The following POLR2E variants were observed in gnomAD, a reference collection of about 807,000 sequenced individuals.
POLR2E encodes the protein RNA polymerase II, I and III subunit E.
In POLR2E, 35 loss-of-function variants were observed where a neutral mutation model predicts 29.8. That is an observed-to-expected ratio of 1.17 (90% CI 0.90 to 1.55). The LOEUF is 1.55. Ranked by LOEUF, POLR2E falls within the 40% of genes most tolerant of loss-of-function variation. The probability of loss-of-function intolerance (pLI) is 0.00; values close to 1 mark genes in which losing one functional copy is unlikely to be tolerated. For missense variants in POLR2E, 287 were observed against 288.6 expected (o/e 0.99, Z 0.04); for synonymous variants, 174 against 112.6 (o/e 1.55, Z -3.45).
rs980318984 is a variant in POLR2E at position 1,091,911 on chromosome 19, C to T, written c.233-4G>A. 6.2e-7 allele frequency: 1 copy of T among 1,600,996 alleles called. No individual in the cohort carries two copies. Among genetic ancestry groups the T allele is most frequent in the Non-Finnish European group, 8.6e-7 (1 of 1,169,476 alleles). The stretch of plus-strand genomic sequence containing the variant: ...TTGATGCCCACCTTGGGCTCCTCTG[C>T]AGACAGAGAGTGTGCTGGCCTGCAC... On this transcript the variant is annotated splice_region_variant and splice_polypyrimidine_tract_variant and intron_variant, in intron 2 of 7. Transcript: ENST00000615234.
Position 1,088,637 on chromosome 19 carries a change from TGA to T in POLR2E, c.*96_*97del, listed in dbSNP as rs1171350996. The T allele has an allele frequency of 1.3e-5, 2 of 152,530 alleles. No homozygotes were observed. Among genetic ancestry groups the T allele is most frequent in the African/African-American group, 4.8e-5 (2 of 41,466 alleles). The allele number at this position is 152,530 out of a possible 1,614,324, so 9.4% of individuals were successfully genotyped here. On this transcript the variant is annotated 3_prime_UTR_variant, in exon 8 of 8. Coordinates refer to ENST00000615234, the MANE Select transcript of POLR2E (RefSeq NM_002695.5). ...GGGGAGTCCAGAGGAGCAGCAGCCG[TGA>T]GAGCTGTGGGGGCCGGATTCTGGCA...
chr19:1,088,198 T>C lies in POLR2E; in HGVS notation c.*537A>G, dbSNP rs2043749132. 6.6e-6 allele frequency: 1 copy of C among 152,342 alleles called. No individual in the cohort carries two copies. The highest frequency in any genetic ancestry group is 1.5e-5 in the Non-Finnish European group (1 of 68,046). The allele number at this position is 152,342 out of a possible 1,614,324, so 9.4% of individuals were successfully genotyped here. On this transcript the variant is annotated 3_prime_UTR_variant, in exon 8 of 8. Transcript: ENST00000615234. The stretch of plus-strand genomic sequence containing the variant: ...CAAGCAAATTTATTTGCTCAAAACA[T>C]CTTTACCATTTGAAAACACCCAACC...
At chr19:1,090,778 G>C (rs2043812409) in intron 4 of POLR2E, 130 bp downstream of exon 4, 1 of 766,752 alleles carries the variant, frequency 1.3e-6, no homozygotes. Flanking sequence ...GCCACCCTTT[G>C]AGAACCCTGT....
intron 4 of POLR2E, 86 bp downstream of exon 4, chr19:1,090,822 C>T (rs1327581182): frequency 8.5e-7 from 1 of 1,175,522 alleles, no homozygotes; most frequent in Non-Finnish European, 1.2e-6. Context: ...CTGCCCTGGG[C>T]CCCAGATCCC....
chr19:1,095,177 G>T (rs2043914295), intron 1 of POLR2E, 82 bp downstream of exon 1: 1 of 1,408,034 alleles, frequency 7.1e-7, no homozygotes, highest in Middle Eastern at 2.3e-4. Flanking sequence ...ACGAGAGTAC[G>T]AGGAGACGCC....
Position 1,095,328 on chromosome 19 carries a change from CG to C in POLR2E, c.-14del, listed in dbSNP as rs1568519644. On this transcript the variant is annotated 5_prime_UTR_variant, in exon 1 of 8. Coordinates refer to ENST00000615234, the MANE Select transcript of POLR2E (RefSeq NM_002695.5). ...CCTCGTCGTCCATGGCAGCCTCCGC[CG>C]CCGCCGCCGCTCGCACCCCTTCTCC... The C allele has an allele frequency of 1.9e-6, 3 of 1,612,176 alleles. No homozygotes were observed. The highest frequency in any genetic ancestry group is 2.5e-6 in the Non-Finnish European group (3 of 1,179,448).
intron 2 of POLR2E, 47 bp downstream of exon 2, chr19:1,093,857 G>A (rs368104662): frequency 5.5e-5 from 83 of 1,514,056 alleles, no homozygotes; most frequent in Non-Finnish European, 7.0e-5. Flanking sequence ...CTCCTCGGCA[G>A]GTGCTCTGGT....
intron 4 of POLR2E, 112 bp downstream of exon 4, chr19:1,090,796 G>A: frequency 3.5e-6 from 3 of 866,582 alleles, no homozygotes; most frequent in South Asian, 3.2e-5. Flanking sequence ...TGTCCTCCAT[G>A]CACTAATAGG....
chr19:1,091,738 C>T (rs1378452767), intron 3 of POLR2E, 54 bp downstream of exon 3: 45 of 1,015,650 alleles, frequency 4.4e-5, no homozygotes, highest in Middle Eastern at 3.6e-4. Flanking sequence ...GTACTGCTTG[C>T]GGGAGGAGGC....
chr19:1,089,604 CACCAGACAGCAG>C (rs1324674545), intron 6 of POLR2E, 53 bp from the exon 7 acceptor site: 3 of 1,467,656 alleles, frequency 2.0e-6, no homozygotes, highest in Non-Finnish European at 2.9e-6. Context: ...TCACTGCAGT[CACCAGACAGCAG>C]GCGGGCAGCA....
At chr19:1,092,633 G>A (rs559050418) in intron 2 of POLR2E, among the ~76,000 whole-genome samples, 16 of 151,968 alleles carry the variant, frequency 1.1e-4, no homozygotes, top group Admixed American at 5.2e-4. Context: ...GCTTGCAGTG[G>A]GCAGAGATTG....
rs574292310 is a variant in POLR2E, at chr19:1,089,454, G to C, written c.*14+18C>G. 1.9e-6 allele frequency: 3 copies of C among 1,573,566 alleles called. No individual in the cohort carries two copies. In the South Asian group the frequency reaches 3.3e-5, roughly 17 times the overall value. On this transcript the variant is annotated intron_variant, in intron 7 of 7. Coordinates refer to ENST00000615234, the MANE Select transcript of POLR2E (RefSeq NM_002695.5). Reference sequence around the variant, plus strand: ...TGCCTCTGACCCCACCTCAGTGCCTGTCCCTCGGCCGTCTCACCTGTCAGG... The same window carrying C: ...TGCCTCTGACCCCACCTCAGTGCCTCTCCCTCGGCCGTCTCACCTGTCAGG...
At chr19:1,090,051 AGGGAG>A in intron 5 of POLR2E, 31 bp downstream of exon 5, 10 of 1,215,336 alleles carry the variant, frequency 8.2e-6, no homozygotes, top group Non-Finnish European at 1.0e-5. Flanking sequence ...CTCGAGGGAC[AGGGAG>A]GGGCGGGGCC....
intron 1 of POLR2E, chr19:1,094,467 G>A (rs1371766046): frequency 1.9e-5 from 4 of 206,244 alleles, no homozygotes; most frequent in South Asian, 1.2e-4. Context: ...GTTGCTGGAG[G>A]CCAGTTCAAG....
At chr19:1,093,613 T>G (rs2043883940) in intron 2 of POLR2E, 1 of 556,564 alleles carries the variant, frequency 1.8e-6, no homozygotes, top group African/African-American at 2.0e-5. Flanking sequence ...CAAGGGACAC[T>G]AGGGCAAAGG....
Position 1,088,252 on chromosome 19 carries a change from GGCATCTC to G in POLR2E, c.*476_*482del. ...TACAACAACCGAGAACTCCAGAGCT[GGCATCTC>G]GCACCCTGGTGGCTTGAGCGCGTGC... On this transcript the variant is annotated 3_prime_UTR_variant, in exon 8 of 8. Transcript: ENST00000615234. 6.6e-6 allele frequency: 1 copy of G among 152,522 alleles called. No individual in the cohort carries two copies. The highest frequency in any genetic ancestry group is 6.5e-5 in the Admixed American group (1 of 15,310). The allele number at this position is 152,522 out of a possible 1,614,324, so 9.4% of individuals were successfully genotyped here. A position where few individuals can be genotyped will look rare whatever the true frequency, so the allele number is the denominator to read the frequency against.
intron 7 of POLR2E, among the ~76,000 whole-genome samples, chr19:1,089,163 G>A (rs1054361606): frequency 1.3e-5 from 2 of 152,204 alleles, no homozygotes; most frequent in Non-Finnish European, 2.9e-5. Context: ...ACCCTCTTCT[G>A]GAAAGTCCCG....
intron 2 of POLR2E, 44 bp from the exon 3 acceptor site, chr19:1,091,951 G>C: frequency 1.4e-6 from 2 of 1,406,920 alleles, no homozygotes; most frequent in Non-Finnish European, 1.0e-6. Context: ...CTGGGCCCTC[G>C]TGGCCCTCGC....
rs772521442 is a variant in POLR2E at position 1,090,072 on chromosome 19, G to A, written c.488+15C>T. 13 of 1,611,116 alleles carry A rather than the reference G, an allele frequency of 8.1e-6. No homozygotes were observed. The highest frequency in any genetic ancestry group is 1.7e-4 in the Middle Eastern group (1 of 5,950). Reference sequence around the variant, plus strand: ...GGACAGGGAGGGGCGGGGCCGGTGGGGCTGGAAAGGATACTATCGGGCCAG... The same window carrying A: ...GGACAGGGAGGGGCGGGGCCGGTGGAGCTGGAAAGGATACTATCGGGCCAG... On this transcript the variant is annotated intron_variant, in intron 5 of 7. Transcript: ENST00000615234.
Sources: allele counts gnomAD v4.1 joint callset (sites outside exome capture counted in the v4.1 genomes callset), GRCh38; gene constraint gnomAD v4.1.1; transcripts MANE v1.5; gene names NCBI Gene and HGNC (gene_info 2026-07-23, HGNC 2026-07-21).